HNRNPL: variants seen among roughly 807,000 people sequenced by gnomAD.
HNRNPL encodes heterogeneous nuclear ribonucleoprotein L, also known as epididymis secretory sperm binding protein.
In HNRNPL, 12 loss-of-function variants were observed where a neutral mutation model predicts 64.0. The ratio of observed to expected loss-of-function variants is 0.19; its 90% CI spans 0.12 to 0.30. HNRNPL has a LOEUF of 0.30. Among genes scored for constraint, HNRNPL ranks in the 10% least tolerant of loss-of-function variants. The pLI, the probability that HNRNPL is intolerant of heterozygous loss-of-function variation, is 1.00. For missense variants in HNRNPL, 484 were observed against 797.4 expected (o/e 0.61, Z 4.73); for synonymous variants, 385 against 313.0 (o/e 1.23, Z -2.43).
upstream of HNRNPL, among the ~76,000 whole-genome samples, chr19:38,851,457 T>C (rs553926781): frequency 1.2e-4 from 19 of 152,204 alleles, no homozygotes; most frequent in African/African-American, 4.3e-4. Context: ...AGCGAAGCTA[T>C]TGGCAAGTGA....
At chr19:38,848,722 A>G (rs1246819409) in intron 1 of HNRNPL, among the ~76,000 whole-genome samples, 3 of 152,130 alleles carry the variant, frequency 2.0e-5, no homozygotes, top group Non-Finnish European at 4.4e-5. Context: ...ACCTACAGTA[A>G]TTCACCTCAT....
At chr19:38,846,143 A>T in intron 2 of HNRNPL, 53 bp from the exon 3 acceptor site, 1 of 1,346,042 alleles carries the variant, frequency 7.4e-7, no homozygotes, top group South Asian at 1.2e-5. Context: ...AGACAGGAGG[A>T]GGGTATCATT....
At chr19:38,851,478 A>G (rs933779235), upstream of HNRNPL, among the ~76,000 whole-genome samples, 2 of 152,186 alleles carry the variant, frequency 1.3e-5, no homozygotes, top group Non-Finnish European at 2.9e-5. Flanking sequence ...CGATATCGCC[A>G]AAGGGGGGAA....
rs953576436 is a variant in HNRNPL, at chr19:38,849,940, C to G, written c.27G>C (p.Ala9=). 1 of 1,371,300 alleles carries G rather than the reference C, an allele frequency of 7.3e-7. No homozygotes were observed. Among genetic ancestry groups the G allele is most frequent in the African/African-American group, 1.5e-5 (1 of 66,420 alleles). The allele number at this position is 1,371,300 out of a possible 1,614,324, so 84.9% of individuals were successfully genotyped here. A position where few individuals can be genotyped will look rare whatever the true frequency, so the allele number is the denominator to read the frequency against. The change falls in exon 1 of 13, where the codon GCG becomes GCC. Residue 9 remains alanine, a synonymous_variant. Coordinates refer to ENST00000221419, the MANE Select transcript of HNRNPL (RefSeq NM_001533.3). The part of the protein sequence containing the change: MSRRLLPR[A]EKRRRRLEQR... ...GCTCCAGCCGCCGACGCCGCTTCTCCGCCCGGGGCAGCAGCCTCCGCGACA... is the reference window on the plus strand; with the variant it reads ...GCTCCAGCCGCCGACGCCGCTTCTCGGCCCGGGGCAGCAGCCTCCGCGACA...
chr19:38,849,875 G>T lies in HNRNPL; in HGVS notation c.92C>A (p.Ala31Glu). ...GCCCGCCGCCGCCATCTTCACCATC[G>T]CTCCCGACCGCCTCCGCTGCTCGTC... ...QPDEQRRRSG[A>E]MVKMAAAGGG... The change falls in exon 1 of 13, where the codon GCG becomes GAG. Residue 31 changes from alanine to glutamate, a missense_variant. This residue lies in a region of HNRNPL where 190 missense variants were observed against 160.1 expected (regional missense o/e 1.19). Transcript: ENST00000221419. The T allele has an allele frequency of 1.6e-6, 2 of 1,218,226 alleles. No individual in the cohort carries two copies. Among genetic ancestry groups the T allele is most frequent in the African/African-American group, 1.6e-5 (1 of 64,184 alleles). The allele number at this position is 1,218,226 out of a possible 1,614,324, so 75.5% of individuals were successfully genotyped here. A position where few individuals can be genotyped will look rare whatever the true frequency, so the allele number is the denominator to read the frequency against.
Position 38,840,344 on chromosome 19 carries a change from G to A in HNRNPL, c.985C>T (p.His329Tyr). Residue 329 changes from histidine to tyrosine, a missense_variant, in exon 8 of 13, where the codon CAT (histidine) becomes TAT (tyrosine). By Grantham distance (83) the His-to-Tyr change is moderately conservative. Around this residue, in one of 9 missense-constraint regions of HNRNPL, gnomAD observed 46 missense variants for 37.4 expected, o/e 1.23. Transcript: ENST00000221419. ...GPHGGYHSHY[H>Y]DEGYGPPPPH... ...GGGGGGGGCCCGTAGCCCTCATCAT[G>A]GTAATGGCTGTGGTACCCACCGTGG... 1 of 1,550,612 alleles carries A rather than the reference G, an allele frequency of 6.4e-7. No homozygotes were observed. Among genetic ancestry groups the A allele is most frequent in the Non-Finnish European group, 8.7e-7 (1 of 1,146,724 alleles).
rs1454474659 is a variant in HNRNPL at position 38,849,745 on chromosome 19, G to A, written c.222C>T (p.Gly74=). The A allele has an allele frequency of 2.2e-5, 31 of 1,382,502 alleles. No individual in the cohort carries two copies. Among genetic ancestry groups the A allele is most frequent in the African/African-American group, 4.6e-5 (3 of 64,868 alleles). 85.6% of individuals were successfully genotyped at this position (1,382,502 alleles called of 1,614,324 possible). Residue 74 remains glycine, a synonymous_variant, in exon 1 of 13, where the codon GGC becomes GGT. Coordinates refer to ENST00000221419, the MANE Select transcript of HNRNPL (RefSeq NM_001533.3). ...CCGCCCCGGCTCCTCCACCGCCACC[G>A]CCGCCGCCTCCGTGCTGGTCGCCGG... ...DNAGDQHGGG[G]GGGGGAGAAG...
intron 12 of HNRNPL, chr19:38,837,137 C>T: frequency 1.8e-6 from 1 of 570,234 alleles, no homozygotes; most frequent in Non-Finnish European, 3.1e-6. Flanking sequence ...AAGAGAATGC[C>T]ACCTCCCTGG....
At position 38,847,378 on chromosome 19, in the gene HNRNPL, GC is replaced by G; in HGVS notation, c.323del (p.Gly108AlafsTer2). The G allele has an allele frequency of 6.4e-7, 1 of 1,570,200 alleles. No homozygotes were observed. The highest frequency in any genetic ancestry group is 8.6e-7 in the Non-Finnish European group (1 of 1,156,556). On this transcript the variant is annotated frameshift_variant, in exon 2 of 13. Coordinates refer to ENST00000221419, the MANE Select transcript of HNRNPL (RefSeq NM_001533.3). LOFTEE classifies it high-confidence loss of function. ...CTGCTTCCACCACACCGTCAATCAG[GC>G]CCCTGATGTGGACAACTGGGGAGGC... ...TPASPVVHIR[G>X]LIDGVVEADL...
intron 1 of HNRNPL, 67 bp downstream of exon 1, chr19:38,849,633 A>G (rs1972433794): frequency 1.5e-6 from 2 of 1,290,714 alleles, no homozygotes; most frequent in African/African-American, 1.5e-5. Flanking sequence ...AAAAAATAAA[A>G]TGCCCTCAAG....
intron 1 of HNRNPL, among the ~76,000 whole-genome samples, chr19:38,848,631 C>A (rs540992811): frequency 9.9e-5 from 15 of 152,218 alleles, no homozygotes; most frequent in Non-Finnish European, 2.1e-4. Flanking sequence ...ACGCGAACCA[C>A]AGGGTGAGGC....
In HNRNPL at chr19:38,839,160, C is replaced by G. The variant is rs941500989; in HGVS notation, c.1234-145G>C. 3.0e-6 allele frequency: 3 copies of G among 984,082 alleles called. No individual in the cohort carries two copies. The African/African-American group carries it at 4.8e-5, about 16-fold the overall frequency. The allele number at this position is 984,082 out of a possible 1,614,324, so 61.0% of individuals were successfully genotyped here. A position where few individuals can be genotyped will look rare whatever the true frequency, so the allele number is the denominator to read the frequency against. ...GGACCACTAGAAAAACATGCCTGGC[C>G]CACACCAAGTGCTCAACCCATAGTG... On this transcript the variant is annotated intron_variant, in intron 8 of 12. Coordinates refer to ENST00000221419, the MANE Select transcript of HNRNPL (RefSeq NM_001533.3).
At chr19:38,839,881 CT>C (rs1025057915) in intron 8 of HNRNPL, among the ~76,000 whole-genome samples, 8 of 152,152 alleles carry the variant, frequency 5.3e-5, no homozygotes, top group South Asian at 2.1e-4. Flanking sequence ...GTGATAAAAT[CT>C]TTTTTTTAAA....
At position 38,849,877 on chromosome 19, in the gene HNRNPL, T is replaced by C; in HGVS notation, c.90A>G (p.Gly30=). The C allele has an allele frequency of 6.5e-6, 8 of 1,229,392 alleles. No homozygotes were observed. Among genetic ancestry groups the C allele is most frequent in the South Asian group, 1.3e-5 (1 of 78,286 alleles). The allele number at this position is 1,229,392 out of a possible 1,614,324, so 76.2% of individuals were successfully genotyped here. ...QQPDEQRRRS[G]AMVKMAAAGG... ...CCGCCGCCGCCATCTTCACCATCGC[T>C]CCCGACCGCCTCCGCTGCTCGTCCG... The change falls in exon 1 of 13, where the codon GGA becomes GGG. Residue 30 remains glycine (G), a synonymous_variant. Transcript: ENST00000221419.
At chr19:38,839,793 G>A (rs556751081) in intron 8 of HNRNPL, 4 of 300,068 alleles carry the variant, frequency 1.3e-5, no homozygotes, top group South Asian at 1.3e-4. Context: ...ATCCTTAAAC[G>A]ATGGTGTTTC....
chr19:38,840,681 G>A (rs2145415507), intron 6 of HNRNPL, 122 bp from the exon 7 acceptor site: 2 of 768,958 alleles, frequency 2.6e-6, no homozygotes, highest in South Asian at 3.2e-5. Flanking sequence ...CCTTCCTCGA[G>A]GGCTGTGGGG....
At chr19:38,849,361 T>C (rs1972417320) in intron 1 of HNRNPL, 4 of 242,050 alleles carry the variant, frequency 1.7e-5, no homozygotes, top group African/African-American at 2.3e-5. Context: ...CGCCTGCGCA[T>C]GGAGCCAGCG....
chr19:38,837,675 A>G, intron 10 of HNRNPL, 24 bp from the exon 11 acceptor site: 2 of 1,611,180 alleles, frequency 1.2e-6, no homozygotes, highest in Non-Finnish European at 1.7e-6. Flanking sequence ...CAGGTAGTAA[A>G]TGAACTCTGA....
In HNRNPL at chr19:38,838,853, T is replaced by C. The variant is rs368341400; in HGVS notation, c.1355+41A>G. ...TGGGCCCCATTCCCCTCCTTTTCTC[T>C]CCCCTGTACCTCTGCTGCCCTCCCG... On this transcript the variant is annotated intron_variant, in intron 9 of 12. Coordinates refer to ENST00000221419, the MANE Select transcript of HNRNPL (RefSeq NM_001533.3). 8.7e-5 allele frequency: 140 copies of C among 1,612,730 alleles called. 1 individual carries two copies. The African/African-American group carries it at 1.6e-3, about 19-fold the overall frequency.
Sources: gnomAD v4.1 joint callset for allele counts (sites outside exome capture counted in the v4.1 genomes callset) on GRCh38, gnomAD v4.1.1 for gene constraint, gnomAD v4.1.1 regional missense constraint, MANE v1.5 for transcripts, NCBI Gene and HGNC (gene_info 2026-07-23, HGNC 2026-07-21) for gene names.